LCP2: variants seen among roughly 807,000 people sequenced by gnomAD.
The protein encoded by LCP2 is 76 kDa tyrosine phosphoprotein.
A neutral mutation model predicts 74.5 loss-of-function variants in LCP2; 29 were observed. The observed-to-expected ratio is 0.39, with a 90% CI of 0.29 to 0.53. The LOEUF is 0.53. Among genes scored for constraint, LCP2 ranks in the 20% least tolerant of loss-of-function variants. The pLI is 0.72. For synonymous variants in LCP2, 228 were observed against 229.5 expected, an observed-to-expected ratio of 0.99 and a Z score of 0.06; for missense variants, 604 against 634.6, an observed-to-expected ratio of 0.95 and a Z score of 0.52.
intron 3 of LCP2, among the ~76,000 whole-genome samples, chr5:170,285,268 T>G (rs775406187): frequency 2.6e-5 from 4 of 152,212 alleles, no homozygotes; most frequent in Non-Finnish European, 5.9e-5. Context: ...ATGCCCAAAT[T>G]TAACTTCTAG....
At position 170,266,999 on chromosome 5, in the gene LCP2, T is replaced by A; in HGVS notation, c.688+10A>T. ...GGAACAGGGCAAGAGAGAGCAGCCC[T>A]TGTACTCACGCTTTGCCGTTTTGTG... On this transcript the variant is annotated intron_variant, in intron 9 of 20. Coordinates refer to ENST00000046794, the MANE Select transcript of LCP2 (RefSeq NM_005565.5). 6.2e-7 allele frequency: 1 copy of A among 1,613,928 alleles called. No homozygotes were observed. The highest frequency in any genetic ancestry group is 8.5e-7 in the Non-Finnish European group (1 of 1,179,852).
intron 13 of LCP2, among the ~76,000 whole-genome samples, chr5:170,262,105 C>T (rs1761665031): frequency 6.6e-6 from 1 of 152,108 alleles, no homozygotes; most frequent in South Asian, 2.1e-4. Flanking sequence ...CAAGGTTGGC[C>T]TTAACCCCAG....
intron 14 of LCP2, among the ~76,000 whole-genome samples, chr5:170,260,082 TC>T (rs1307829669): frequency 6.6e-6 from 1 of 152,176 alleles, no homozygotes; most frequent in Non-Finnish European, 1.5e-5. Context: ...CTGAGGGGAA[TC>T]CCCATGGGCT....
At chr5:170,270,178 CAAT>C (rs1156622702) in intron 7 of LCP2, among the ~76,000 whole-genome samples, 1 of 152,170 alleles carries the variant, frequency 6.6e-6, no homozygotes, top group African/African-American at 2.4e-5. Context: ...AGCAGATCAA[CAAT>C]GTTTGTTGAA....
Position 170,256,982 on chromosome 5 carries a change from G to T in LCP2, c.1101-407C>A, listed in dbSNP as rs751462327. Among the ~76,000 whole-genome samples, 2 of 152,200 alleles carry T rather than the reference G, an allele frequency of 1.3e-5. No individual in the cohort carries two copies. The highest frequency in any genetic ancestry group is 1.3e-4 in the Admixed American group (2 of 15,282). On this transcript the variant is annotated intron_variant, in intron 16 of 20. Transcript: ENST00000046794. This position sits in a 1 kb window ranked among gnomAD's most constrained non-coding sequence, Gnocchi z 4.5. The stretch of plus-strand genomic sequence containing the variant: ...GAGCAGTGAATCCCCAGGGCTTAGG[G>T]TCTGCAAGGAGAGAGTAAGCCAGGT...
chr5:170,267,372 G>A, intron 8 of LCP2: 1 of 485,222 alleles, frequency 2.1e-6, no homozygotes, highest in East Asian at 3.7e-5. Context: ...GGCCCTGCCT[G>A]AGCTGGCCCA....
chr5:170,289,627 TTCTTTC>T (rs1240062741), intron 2 of LCP2, among the ~76,000 whole-genome samples: 12 of 99,700 alleles, frequency 1.2e-4, no homozygotes, highest in Non-Finnish European at 1.4e-4. Flanking sequence ...TTTTCTTTCT[TTCTTTC>T]TTTCTTTCTT....
At chr5:170,290,569 C>T (rs561072039) in intron 2 of LCP2, among the ~76,000 whole-genome samples, 146 of 152,268 alleles carry the variant, frequency 9.6e-4, no homozygotes, top group Non-Finnish European at 1.7e-3. Flanking sequence ...CCTTTCTCCC[C>T]GTCTCCCTGC....
rs1467516220 is a variant in LCP2 at position 170,289,649 on chromosome 5, CTTTCTTTCTTTCTTTCTT to C, written c.142-1651_142-1634del. Among the ~76,000 whole-genome samples the C allele has an allele frequency of 2.3e-3, 268 of 116,630 alleles. 1 individual carries two copies. Among genetic ancestry groups the C allele is most frequent in the African/African-American group, 8.1e-3 (242 of 29,746 alleles). The allele number at this position is 116,630 out of a possible 152,430, so 76.5% of individuals were successfully genotyped here. A position where few individuals can be genotyped will look rare whatever the true frequency, so the allele number is the denominator to read the frequency against. The stretch of plus-strand genomic sequence containing the variant: ...TCTTTCTTTCTTTCTTTCTTTCTTT[CTTTCTTTCTTTCTTTCTT>C]TCTTTCTCTCTCTCTCTCTTTCTTT... On this transcript the variant is annotated intron_variant, in intron 2 of 20. Transcript: ENST00000046794.
intron 3 of LCP2, among the ~76,000 whole-genome samples, chr5:170,285,363 T>TA (rs1343468630): frequency 2.0e-5 from 3 of 152,216 alleles, no homozygotes; most frequent in Non-Finnish European, 2.9e-5. Flanking sequence ...TGTTTTAGTT[T>TA]TTCTCTTTGT....
intron 2 of LCP2, among the ~76,000 whole-genome samples, chr5:170,290,700 C>A (rs902905135): frequency 1.3e-5 from 2 of 152,178 alleles, no homozygotes; most frequent in Admixed American, 1.3e-4. Context: ...CTTTCACCAT[C>A]CCCTGGCACC....
At chr5:170,250,434 A>T (rs1354937012) in intron 20 of LCP2, among the ~76,000 whole-genome samples, 1 of 152,250 alleles carries the variant, frequency 6.6e-6, no homozygotes, top group East Asian at 1.9e-4. Context: ...TAATAGTGGG[A>T]ACTTTCCTTT....
intron 3 of LCP2, among the ~76,000 whole-genome samples, chr5:170,283,614 A>C (rs1456696700): frequency 1.3e-5 from 2 of 151,966 alleles, no homozygotes; most frequent in African/African-American, 2.4e-5. Context: ...ACACAAATTT[A>C]CCTTGATGCT....
At chr5:170,284,895 C>T (rs1050537801) in intron 3 of LCP2, among the ~76,000 whole-genome samples, 1 of 151,938 alleles carries the variant, frequency 6.6e-6, no homozygotes, top group East Asian at 1.9e-4. Flanking sequence ...GAACTACAGT[C>T]GCCTGCCACC....
intron 20 of LCP2, among the ~76,000 whole-genome samples, chr5:170,250,159 C>T (rs1761401781): frequency 6.6e-6 from 1 of 152,154 alleles, no homozygotes; most frequent in Non-Finnish European, 1.5e-5. Context: ...TTGTTAGTTT[C>T]CTTTGCGAAA....
At chr5:170,289,671 T>TC (rs1491371542) in intron 2 of LCP2, among the ~76,000 whole-genome samples, 2,134 of 83,920 alleles carry the variant, frequency 0.025, 37 homozygotes, top group Middle Eastern at 0.062. Context: ...CTTTCTTTCT[T>TC]TCTCTCTCTC....
At chr5:170,287,911 A>G in intron 3 of LCP2, 59 bp downstream of exon 3, 1 of 1,509,278 alleles carries the variant, frequency 6.6e-7, no homozygotes, top group Non-Finnish European at 9.2e-7. Context: ...CCCCACTCAC[A>G]CTACTCCCCA....
rs140148176 is a variant in LCP2, at chr5:170,260,907, AAAC to A, written c.957+197_957+199del. 2.0e-3 allele frequency among the ~76,000 whole-genome samples: 298 copies of A among 152,312 alleles called. 1 individual carries two copies. The highest frequency in any genetic ancestry group is 3.6e-3 in the Non-Finnish European group (246 of 68,014). ...GGGAGCTCTTAGAGGGACATGAGCT[AAAC>A]AACACAGCATGATGGGCTCCAGACA... On this transcript the variant is annotated intron_variant, in intron 14 of 20. Coordinates refer to ENST00000046794, the MANE Select transcript of LCP2 (RefSeq NM_005565.5).
At chr5:170,259,591 G>C (rs138855560) in intron 14 of LCP2, among the ~76,000 whole-genome samples, 8 of 152,296 alleles carry the variant, frequency 5.3e-5, no homozygotes, top group African/African-American at 1.7e-4. Context: ...TGTTTGGTTA[G>C]GCCAGATCTG....
Sources: gnomAD v4.1 joint callset for allele counts (sites outside exome capture counted in the v4.1 genomes callset) on GRCh38, gnomAD v4.1.1 for gene constraint, Gnocchi (gnomAD v3.1) non-coding constraint, MANE v1.5 for transcripts, NCBI Gene and HGNC (gene_info 2026-07-23, HGNC 2026-07-21) for gene names.